LZTS3: variants seen among roughly 807,000 people sequenced by gnomAD.
The protein encoded by LZTS3 is leucine zipper putative tumor suppressor 3.
In LZTS3, 16 loss-of-function variants were observed where a neutral mutation model predicts 50.9. The ratio of observed to expected loss-of-function variants is 0.31; its 90% confidence interval spans 0.21 to 0.48. The LOEUF is 0.48. LZTS3 is among the 20% of genes least tolerant of loss of function. The probability of loss-of-function intolerance (pLI) is 0.99; values close to 1 mark genes in which losing one functional copy is unlikely to be tolerated. For missense variants in LZTS3, 816 were observed against 931.0 expected (o/e 0.88, Z 1.61); for synonymous variants, 408 against 410.6 (o/e 0.99, Z 0.08).
Position 3,165,710 on chromosome 20 carries a change from G to T in LZTS3, c.1110C>A (p.Gly370=). The T allele has an allele frequency of 6.4e-7, 1 of 1,568,266 alleles. No individual in the cohort carries two copies. Among genetic ancestry groups the T allele is most frequent in the Non-Finnish European group, 8.6e-7 (1 of 1,166,008 alleles). The change falls in exon 4 of 5, where the codon GGC becomes GGA. Residue 370 remains glycine, a synonymous_variant. Transcript: ENST00000337576. This position sits in a 1 kb window ranked among gnomAD's most constrained non-coding sequence, Gnocchi z 5.0. ...CCACCTGCTGTAGCTTCCCGCTGCA[G>T]CCCTGCCGCAGCTCGGCCAGCTCCC... is the stretch of plus-strand genomic sequence containing the variant. ...WERELAELRQ[G]CSGKLQQVAR...
Position 3,165,078 on chromosome 20 carries a change from C to T in LZTS3, c.1398G>A (p.Lys466=). The T allele has an allele frequency of 3.1e-6, 5 of 1,591,616 alleles. No individual in the cohort carries two copies. The highest frequency in any genetic ancestry group is 4.3e-6 in the Non-Finnish European group (5 of 1,170,402). ...LKDSQADVSQ[K]LSEIVGLRSQ... ...AGCGCAGTCCCACGATCTCACTCAACTTCTGCGACACATCCGCCTGCGAGT... is the reference window on the plus strand; with the variant it reads ...AGCGCAGTCCCACGATCTCACTCAATTTCTGCGACACATCCGCCTGCGAGT... The change falls in exon 5 of 5, where the codon AAG becomes AAA. Residue 466 remains lysine (K), a synonymous_variant. Transcript: ENST00000337576. The surrounding 1 kb of genome is among the most constrained non-coding windows in gnomAD (Gnocchi z 5.0).
At position 3,165,141 on chromosome 20, in the gene LZTS3, C is replaced by G. The variant is rs1173739315; in HGVS notation, c.1335G>C (p.Lys445Asn). 1.9e-6 allele frequency: 3 copies of G among 1,570,182 alleles called. No homozygotes were observed. In the South Asian group the frequency reaches 3.5e-5, roughly 18 times the overall value. Residue 445 changes from lysine to asparagine, a missense_variant, in exon 5 of 5, where the codon AAG becomes AAC. Around this residue, in one of 3 missense-constraint regions of LZTS3, gnomAD observed 700 missense variants for 769.4 expected, o/e 0.91. Transcript: ENST00000337576. The surrounding 1 kb of genome is among the most constrained non-coding windows in gnomAD (Gnocchi z 5.0). ...GCTTCAGGAGGGAGATCTCGCCAGC[C>G]TTCTGGCACACCTGGGCAGGAACAG... is the stretch of plus-strand genomic sequence containing the variant. ...IEETKWEVCQ[K>N]AGEISLLKQQ...
Position 3,166,656 on chromosome 20 carries a change from T to G in LZTS3, c.459+49A>C, listed in dbSNP as rs373303925. 4.4e-6 allele frequency: 7 copies of G among 1,584,676 alleles called. No homozygotes were observed. In the African/African-American group the frequency reaches 8.1e-5, roughly 18 times the overall value. On this transcript the variant is annotated intron_variant, in intron 3 of 4. Coordinates refer to ENST00000337576, the MANE Select transcript of LZTS3 (RefSeq NM_001365618.1). ...ACTTTGCCTTCCTCTCTGGGTTGCCTCCCACCCCCAGAAAAAGGCTGTGAG... is the reference window on the plus strand; with the variant it reads ...ACTTTGCCTTCCTCTCTGGGTTGCCGCCCACCCCCAGAAAAAGGCTGTGAG...
chr20:3,165,112 T>C lies in LZTS3; in HGVS notation c.1364A>G (p.Gln455Arg). 1 of 1,591,814 alleles carries C rather than the reference T, an allele frequency of 6.3e-7. No homozygotes were observed. Among genetic ancestry groups the C allele is most frequent in the Non-Finnish European group, 8.5e-7 (1 of 1,170,150 alleles). Reference protein sequence around the residue: ...KAGEISLLKQQLKDSQADVSQ... With the variant: ...KAGEISLLKQRLKDSQADVSQ... ...CACATCCGCCTGCGAGTCCTTCAGC[T>C]GCTGCTTCAGGAGGGAGATCTCGCC... The change falls in exon 5 of 5, where the codon CAG becomes CGG. Residue 455 changes from glutamine (Q) to arginine (R), a missense_variant. By Grantham distance (43) the Gln-to-Arg change is conservative. This residue lies in a region of LZTS3 where 700 missense variants were observed against 769.4 expected (regional missense o/e 0.91). Transcript: ENST00000337576. The surrounding 1 kb of genome is among the most constrained non-coding windows in gnomAD (Gnocchi z 5.0).
chr20:3,171,181 G>A (rs978282275), intron 1 of LZTS3, among the ~76,000 whole-genome samples: 5 of 152,080 alleles, frequency 3.3e-5, no homozygotes, highest in African/African-American at 7.2e-5. Flanking sequence ...TCTGAGATCC[G>A]GGAAAGGACA....
chr20:3,167,602 T>C, intron 2 of LZTS3, 136 bp downstream of exon 2: 1 of 993,280 alleles, frequency 1.0e-6, no homozygotes, highest in Non-Finnish European at 1.2e-6. Context: ...CCCAACCTCA[T>C]GGGCTGGGGA....
chr20:3,167,425 A>T, intron 2 of LZTS3: 1 of 1,282,370 alleles, frequency 7.8e-7, no homozygotes, highest in Admixed American at 3.7e-5. Context: ...CATAGCCCCC[A>T]GCGTTGCTCA....
chr20:3,167,606 C>G, intron 2 of LZTS3, 132 bp downstream of exon 2: 3 of 993,754 alleles, frequency 3.0e-6, no homozygotes, highest in South Asian at 9.4e-5. Flanking sequence ...ACCTCATGGG[C>G]TGGGGAAATG....
Position 3,165,461 on chromosome 20 carries a change from G to C in LZTS3, c.1323+36C>G, listed in dbSNP as rs2066798703. ...CTGGGGTTTCCCAGAGGGACAGAAG[G>C]GAGGCAGAGGGGAGGCCCAGATCCC... On this transcript the variant is annotated intron_variant, in intron 4 of 4. Transcript: ENST00000337576. This position sits in a 1 kb window ranked among gnomAD's most constrained non-coding sequence, Gnocchi z 5.0. The C allele has an allele frequency of 6.8e-7, 1 of 1,466,354 alleles. No homozygotes were observed. Among genetic ancestry groups the C allele is most frequent in the Admixed American group, 2.2e-5 (1 of 45,602 alleles). 90.8% of individuals were successfully genotyped at this position (1,466,354 alleles called of 1,614,324 possible).
intron 1 of LZTS3, among the ~76,000 whole-genome samples, chr20:3,169,164 T>G (rs1009446810): frequency 6.6e-6 from 1 of 152,148 alleles, no homozygotes; most frequent in African/African-American, 2.4e-5. Context: ...AAACAGCAAG[T>G]ACACAGCCCT....
At chr20:3,167,988 T>G in intron 1 of LZTS3, 27 bp from the exon 2 acceptor site, 1 of 502,752 alleles carries the variant, frequency 2.0e-6, no homozygotes, top group Non-Finnish European at 2.6e-6. Context: ...ATGAAGGACC[T>G]ACCTTGCGGG....
At chr20:3,169,557 G>A (rs1383902936) in intron 1 of LZTS3, among the ~76,000 whole-genome samples, 1 of 152,052 alleles carries the variant, frequency 6.6e-6, no homozygotes, top group Non-Finnish European at 1.5e-5. Context: ...AGTTGCTTTG[G>A]GAAACACCAG....
At chr20:3,170,495 A>AAAAACAAAC (rs2066890199) in intron 1 of LZTS3, among the ~76,000 whole-genome samples, 1 of 150,430 alleles carries the variant, frequency 6.6e-6, no homozygotes. Flanking sequence ...TCAAAAAAAA[A>AAAAACAAAC]AAAAAAAAAA....
In LZTS3 at chr20:3,166,779, CACTGCCA is replaced by C; in HGVS notation, c.378_384del (p.Gly127ThrfsTer23). On this transcript the variant is annotated frameshift_variant, in exon 3 of 5. Transcript: ENST00000337576. LOFTEE classifies it high-confidence loss of function. ...TCACGATACTGCGGTGGGGCTTTGT[CACTGCCA>C]CCACTGCTGCTGCTGCCTCCGCTGC... The C allele has an allele frequency of 6.2e-7, 1 of 1,613,878 alleles. No individual in the cohort carries two copies. Among genetic ancestry groups the C allele is most frequent in the Non-Finnish European group, 8.5e-7 (1 of 1,180,030 alleles).
chr20:3,164,722 G>C lies in LZTS3; in HGVS notation c.1754C>G (p.Ala585Gly). ...GCGCTCCCGGGCCCGCCGCTCAGCC[G>C]CCAGCTCGGCCTGCAGCCGCCCCAC... ...REVGRLQAEL[A>G]AERRARERQG... Residue 585 changes from alanine (A) to glycine (G), a missense_variant, in exon 5 of 5, where the codon GCG (alanine) becomes GGG (glycine). By Grantham distance (60) the Ala-to-Gly change is moderately conservative. This residue lies in a region of LZTS3 where 107 missense variants were observed against 130.4 expected (regional missense o/e 0.82). Transcript: ENST00000337576. 6.4e-7 allele frequency: 1 copy of C among 1,557,642 alleles called. No homozygotes were observed. The highest frequency in any genetic ancestry group is 1.2e-5 in the South Asian group (1 of 85,426).
chr20:3,165,732 T>A lies in LZTS3; in HGVS notation c.1088A>T (p.Glu363Val). ...LEERQKAWER[E>V]LAELRQGCSG... Reference sequence around the variant, plus strand: ...GCAGCCCTGCCGCAGCTCGGCCAGCTCCCGCTCCCACGCCTTCTGCCGCTC... The same window carrying A: ...GCAGCCCTGCCGCAGCTCGGCCAGCACCCGCTCCCACGCCTTCTGCCGCTC... Residue 363 changes from glutamate (E) to valine (V), a missense_variant, in exon 4 of 5, where the codon GAG (glutamate) becomes GTG (valine). Transcript: ENST00000337576. This position sits in a 1 kb window ranked among gnomAD's most constrained non-coding sequence, Gnocchi z 5.0. 1 of 1,575,356 alleles carries A rather than the reference T, an allele frequency of 6.3e-7. No individual in the cohort carries two copies. Among genetic ancestry groups the A allele is most frequent in the Non-Finnish European group, 8.6e-7 (1 of 1,168,492 alleles).
At position 3,165,779 on chromosome 20, in the gene LZTS3, C is replaced by T. The variant is rs570293897; in HGVS notation, c.1041G>A (p.Ala347=). ...GCTCCTCCAGTACCTGGGCCACAGC[C>T]GCCTCGCTCTGCTCCAGGCTGCGCC... The part of the protein sequence containing the change: ...ALRRSLEQSE[A]AVAQVLEERQ... Residue 347 remains alanine, a synonymous_variant, in exon 4 of 5, where the codon GCG becomes GCA. Transcript: ENST00000337576. This position sits in a 1 kb window ranked among gnomAD's most constrained non-coding sequence, Gnocchi z 5.0. 2.5e-6 allele frequency: 4 copies of T among 1,585,396 alleles called. No individual in the cohort carries two copies. The highest frequency in any genetic ancestry group is 2.3e-5 in the East Asian group (1 of 43,890).
rs2066751624 is a variant in LZTS3, at chr20:3,162,682, C to T, written c.*1772G>A. ...AGGAAAACAAAAAGTCTTTCCATCA[C>T]ATATGGTAGAGATATATATTTATAT... On this transcript the variant is annotated 3_prime_UTR_variant, in exon 5 of 5. Coordinates refer to ENST00000337576, the MANE Select transcript of LZTS3 (RefSeq NM_001365618.1). This position sits in a 1 kb window ranked among gnomAD's most constrained non-coding sequence, Gnocchi z 5.0. 1 of 152,476 alleles carries T rather than the reference C, an allele frequency of 6.6e-6. No homozygotes were observed. Among genetic ancestry groups the T allele is most frequent in the African/African-American group, 2.4e-5 (1 of 41,434 alleles). 9.4% of individuals were successfully genotyped at this position (152,476 alleles called of 1,614,324 possible).
rs2066795438 is a variant in LZTS3, at chr20:3,165,385, C to T, written c.1323+112G>A. The T allele has an allele frequency of 4.1e-6, 5 of 1,215,482 alleles. No homozygotes were observed. The South Asian group carries it at 7.5e-5, about 18-fold the overall frequency. The allele number at this position is 1,215,482 out of a possible 1,614,324, so 75.3% of individuals were successfully genotyped here. A position where few individuals can be genotyped will look rare whatever the true frequency, so the allele number is the denominator to read the frequency against. The stretch of plus-strand genomic sequence containing the variant: ...CCAATTGATTTTTGTCCCCCCTGCT[C>T]CTTTCATCCCCCCCCCCATCCCACC... On this transcript the variant is annotated intron_variant, in intron 4 of 4. Coordinates refer to ENST00000337576, the MANE Select transcript of LZTS3 (RefSeq NM_001365618.1). The surrounding 1 kb of genome is among the most constrained non-coding windows in gnomAD (Gnocchi z 5.0).
Sources: gnomAD v4.1 joint callset for allele counts (sites outside exome capture counted in the v4.1 genomes callset) on GRCh38, gnomAD v4.1.1 for gene constraint, gnomAD v4.1.1 regional missense constraint, Gnocchi (gnomAD v3.1) non-coding constraint, MANE v1.5 for transcripts, NCBI Gene and HGNC (gene_info 2026-07-23, HGNC 2026-07-21) for gene names.